Variants in GAN observed in about 807,000 individuals in gnomAD.
The protein encoded by GAN is gigaxonin.
A neutral mutation model predicts 71.3 loss-of-function variants in GAN; 48 were observed. The ratio of observed to expected loss-of-function variants is 0.67; its 90% confidence interval spans 0.53 to 0.86. The LOEUF is 0.86. Ranked by LOEUF, GAN falls within the 40% of genes least tolerant of loss-of-function variation. The pLI is 0.00. For missense variants in GAN, 928 were observed against 770.1 expected, an observed-to-expected ratio of 1.21 and a Z score of -2.43; for synonymous variants, 386 against 276.8, an observed-to-expected ratio of 1.39 and a Z score of -3.92.
chr16:81,339,103 A>G (rs1341856373), intron 1 of GAN, among the ~76,000 whole-genome samples: 3 of 152,250 alleles, frequency 2.0e-5, no homozygotes, highest in African/African-American at 7.2e-5. Flanking sequence ...TACAAAAAAC[A>G]TAGCACAGAT....
chr16:81,375,454 A>C (rs1904277297), intron 9 of GAN, among the ~76,000 whole-genome samples: 1 of 149,666 alleles, frequency 6.7e-6, no homozygotes, highest in Non-Finnish European at 1.5e-5. Flanking sequence ...CTCCCACCTC[A>C]GCCTGAGTAG....
chr16:81,336,131 G>A (rs376331427), intron 1 of GAN, among the ~76,000 whole-genome samples: 3 of 152,334 alleles, frequency 2.0e-5, no homozygotes, highest in South Asian at 4.1e-4. Context: ...GTGTTAGCCT[G>A]TGTAGCTCAT....
intron 5 of GAN, 120 bp downstream of exon 5, chr16:81,358,051 T>G: frequency 1.1e-6 from 1 of 885,426 alleles, no homozygotes; most frequent in Non-Finnish European, 1.8e-6. Context: ...CATGACATTT[T>G]TAGTGTAGTT....
chr16:81,369,771 G>A (rs310030), intron 9 of GAN, among the ~76,000 whole-genome samples: 138,954 of 152,164 alleles, frequency 0.91, 63,607 homozygotes, highest in African/African-American at 0.98. Context: ...TTTAGTAGAG[G>A]CAGGGTTTCA....
rs138585506 is a variant in GAN, at chr16:81,356,907, G to A, written c.756G>A (p.Pro252=). ...TTGTCAAAGAGTGTAGCAATATACCGCTCAGCCAGCCGCAGCAAGGGGAGG... is the reference window on the plus strand; with the variant it reads ...TTGTCAAAGAGTGTAGCAATATACCACTCAGCCAGCCGCAGCAAGGGGAGG... The part of the protein sequence containing the change: ...REIVKECSNI[P]LSQPQQGEAM... Residue 252 remains proline (P), a synonymous_variant, in exon 4 of 11, where the codon CCG becomes CCA. Transcript: ENST00000648994. The A allele has an allele frequency of 2.7e-5, 43 of 1,613,626 alleles. No individual in the cohort carries two copies. The highest frequency in any genetic ancestry group is 8.0e-5 in the African/African-American group (6 of 74,852).
intron 1 of GAN, among the ~76,000 whole-genome samples, chr16:81,337,627 T>C (rs949138317): frequency 6.6e-6 from 1 of 152,240 alleles, no homozygotes. Flanking sequence ...TTTGGCTCAA[T>C]TTTAATTACT....
chr16:81,351,704 T>G lies in GAN; in HGVS notation c.282+7T>G, dbSNP rs751181075. On this transcript the variant is annotated splice_region_variant and intron_variant, in intron 2 of 10. Transcript: ENST00000648994. ...TTACATCTTCAGTGGGCAGGTATGA[T>G]GAGAAACAAAGGAAGGAAGACCTAA... The G allele has an allele frequency of 3.1e-6, 4 of 1,292,844 alleles. No individual in the cohort carries two copies. Among genetic ancestry groups the G allele is most frequent in the Non-Finnish European group, 4.5e-6 (4 of 886,174 alleles). The allele number at this position is 1,292,844 out of a possible 1,614,324, so 80.1% of individuals were successfully genotyped here.
chr16:81,341,617 A>G (rs142887631), intron 1 of GAN, among the ~76,000 whole-genome samples: 31,963 of 152,118 alleles, frequency 0.21, 4,950 homozygotes, highest in East Asian at 0.63. Context: ...CTGCCTTACA[A>G]GAGCTCCTGA....
At chr16:81,373,742 A>C (rs186466416) in intron 9 of GAN, among the ~76,000 whole-genome samples, 15 of 152,192 alleles carry the variant, frequency 9.9e-5, no homozygotes, top group Non-Finnish European at 1.9e-4. Flanking sequence ...AATCTGTGAT[A>C]GTTCTTCATT....
intron 1 of GAN, among the ~76,000 whole-genome samples, chr16:81,350,239 G>A (rs1043181475): frequency 2.6e-5 from 4 of 152,114 alleles, no homozygotes; most frequent in Non-Finnish European, 4.4e-5. Context: ...GGGGAAACGT[G>A]GCTACAAACA....
At position 81,365,123 on chromosome 16, in the gene GAN, G is replaced by T; in HGVS notation, c.1373+13G>T. 6.2e-7 allele frequency: 1 copy of T among 1,612,798 alleles called. No homozygotes were observed. Among genetic ancestry groups the T allele is most frequent in the Non-Finnish European group, 8.5e-7 (1 of 1,179,388 alleles). On this transcript the variant is annotated intron_variant, in intron 8 of 10. Transcript: ENST00000648994. ...TAAAAGAGAGGAGGTACGTGGCTGT[G>T]GGGTGGACTTTGTAGATTCCCTTGC... is the stretch of plus-strand genomic sequence containing the variant.
chr16:81,351,762 C>T, intron 2 of GAN, 65 bp downstream of exon 2: 1 of 801,332 alleles, frequency 1.2e-6, no homozygotes, highest in East Asian at 2.4e-5. Flanking sequence ...GTGAGGGTCT[C>T]CTTTCATCCA....
chr16:81,344,060 G>A (rs374359558), intron 1 of GAN, among the ~76,000 whole-genome samples: 5 of 152,338 alleles, frequency 3.3e-5, no homozygotes, highest in African/African-American at 9.6e-5. Flanking sequence ...TACAAGGGAT[G>A]TGAAGGACCT....
At chr16:81,368,140 A>C (rs984088477) in intron 9 of GAN, among the ~76,000 whole-genome samples, 30 of 152,210 alleles carry the variant, frequency 2.0e-4, no homozygotes, top group African/African-American at 6.3e-4. Flanking sequence ...TGTTTTTCTG[A>C]ATAAAAGCAA....
At chr16:81,358,925 A>G (rs1037804105) in intron 5 of GAN, among the ~76,000 whole-genome samples, 1 of 152,186 alleles carries the variant, frequency 6.6e-6, no homozygotes, top group Non-Finnish European at 1.5e-5. Flanking sequence ...CTTGCCCAGC[A>G]ACATTATCTT....
chr16:81,339,630 G>C (rs1013308832), intron 1 of GAN, among the ~76,000 whole-genome samples: 3 of 152,204 alleles, frequency 2.0e-5, no homozygotes, highest in Non-Finnish European at 4.4e-5. Flanking sequence ...TCATTCCATA[G>C]TATGTCATAA....
At chr16:81,370,560 C>T (rs1045220206) in intron 9 of GAN, among the ~76,000 whole-genome samples, 1 of 152,228 alleles carries the variant, frequency 6.6e-6, no homozygotes, top group Non-Finnish European at 1.5e-5. Context: ...GAAGTATTTT[C>T]CCCATCCCAC....
rs1041340541 is a variant in GAN at position 81,315,066 on chromosome 16, C to A, written c.-48C>A. The stretch of plus-strand genomic sequence containing the variant: ...ACTCGGGCCGCTCGAGGGGTCCGGC[C>A]GGACGGTGTCGGGAGCCGGACCCGT... On this transcript the variant is annotated 5_prime_UTR_variant, in exon 1 of 11. Coordinates refer to ENST00000648994, the MANE Select transcript of GAN (RefSeq NM_022041.4). 3 of 1,411,436 alleles carry A rather than the reference C, an allele frequency of 2.1e-6. No homozygotes were observed. Among genetic ancestry groups the A allele is most frequent in the Non-Finnish European group, 2.8e-6 (3 of 1,072,634 alleles). The allele number at this position is 1,411,436 out of a possible 1,614,324, so 87.4% of individuals were successfully genotyped here. A position where few individuals can be genotyped will look rare whatever the true frequency, so the allele number is the denominator to read the frequency against.
intron 9 of GAN, among the ~76,000 whole-genome samples, chr16:81,375,524 G>A (rs1054024457): frequency 5.3e-5 from 8 of 151,708 alleles, no homozygotes; most frequent in Admixed American, 1.3e-4. Flanking sequence ...ACAAGGTTTC[G>A]CCATGTTGCC....
Sources: gnomAD v4.1 joint callset for allele counts (sites outside exome capture counted in the v4.1 genomes callset) on GRCh38, gnomAD v4.1.1 for gene constraint, MANE v1.5 for transcripts, NCBI Gene and HGNC (gene_info 2026-07-23, HGNC 2026-07-21) for gene names.